The following RNF216 variants were observed in gnomAD, a reference collection of about 807,000 sequenced individuals.
RNF216 encodes ring finger protein 216, also known as E3 ubiquitin-protein ligase RNF216.
RNF216 carries 72 observed loss-of-function variants against 110.8 expected under a neutral mutation model. That is an observed-to-expected ratio of 0.65 (90% CI 0.54 to 0.79). RNF216 has a LOEUF of 0.79. Among genes scored for constraint, RNF216 ranks in the 30% least tolerant of loss-of-function variants. The pLI, the probability that RNF216 is intolerant of heterozygous loss-of-function variation, is 0.00. For synonymous variants in RNF216, 495 were observed against 407.5 expected, an observed-to-expected ratio of 1.21 and a Z score of -2.59; for missense variants, 1,342 against 1,141.2, an observed-to-expected ratio of 1.18 and a Z score of -2.54.
chr7:5,711,657 T>C (rs1327808891), intron 13 of RNF216, 104 bp downstream of exon 13: 3 of 880,568 alleles, frequency 3.4e-6, no homozygotes, highest in Non-Finnish European at 5.4e-6. Context: ...ACTCAAATCC[T>C]TCTTATACAT....
chr7:5,634,998 G>A (rs780697986), intron 15 of RNF216, among the ~76,000 whole-genome samples: 3 of 152,188 alleles, frequency 2.0e-5, no homozygotes, highest in Admixed American at 1.3e-4. Flanking sequence ...TGGGGCTCAG[G>A]GACCCTATGG....
chr7:5,645,180 T>C (rs1309841156), intron 14 of RNF216, among the ~76,000 whole-genome samples: 1 of 152,220 alleles, frequency 6.6e-6, no homozygotes, highest in Non-Finnish European at 1.5e-5. Context: ...TCTTTGGTCT[T>C]GAACAGTTTG....
intron 5 of RNF216, among the ~76,000 whole-genome samples, chr7:5,734,803 G>A (rs202169482): frequency 1.1e-4 from 13 of 123,444 alleles, no homozygotes; most frequent in South Asian, 5.2e-4. Context: ...CAGCTTGGGC[G>A]ACAAGGGCAA....
intron 13 of RNF216, among the ~76,000 whole-genome samples, chr7:5,656,198 G>C (rs1381312063): frequency 6.6e-6 from 1 of 152,182 alleles, no homozygotes; most frequent in Non-Finnish European, 1.5e-5. Flanking sequence ...GAACCCAGGA[G>C]GTGGAGGTTG....
Position 5,621,908 on chromosome 7 carries a change from C to T in RNF216, c.*952G>A, listed in dbSNP as rs1786388826. Reference sequence around the variant, plus strand: ...CATGGGGGATACTGGACAGCACCCTCTACCTGCCTTCAGCAACCACTGAGA... The same window carrying T: ...CATGGGGGATACTGGACAGCACCCTTTACCTGCCTTCAGCAACCACTGAGA... On this transcript the variant is annotated 3_prime_UTR_variant, in exon 17 of 17. Coordinates refer to ENST00000389902, the MANE Select transcript of RNF216 (RefSeq NM_207111.4). 1 of 152,570 alleles carries T rather than the reference C, an allele frequency of 6.6e-6. No homozygotes were observed. Among genetic ancestry groups the T allele is most frequent in the African/African-American group, 2.4e-5 (1 of 41,444 alleles). 9.5% of individuals were successfully genotyped at this position (152,570 alleles called of 1,614,324 possible). A position where few individuals can be genotyped will look rare whatever the true frequency, so the allele number is the denominator to read the frequency against.
At chr7:5,731,961 C>T (rs1794117925) in intron 5 of RNF216, among the ~76,000 whole-genome samples, 2 of 152,202 alleles carry the variant, frequency 1.3e-5, no homozygotes, top group African/African-American at 4.8e-5. Flanking sequence ...AGCCTTCTCC[C>T]TCATCCTGAC....
intron 13 of RNF216, among the ~76,000 whole-genome samples, chr7:5,687,394 C>CAAAAAAAAAAAAAAAAAA (rs372177142): frequency 2.0e-5 from 1 of 49,884 alleles, no homozygotes; most frequent in African/African-American, 6.2e-5. Context: ...AACTCCACCT[C>CAAAAAAAAAAAAAAAAAA]AAAAAAAAAA....
rs189481110 is a variant in RNF216, at chr7:5,730,363, G to C, written c.1224+352C>G. Among the ~76,000 whole-genome samples the C allele has an allele frequency of 9.2e-5, 14 of 152,286 alleles. No individual in the cohort carries two copies. The East Asian group carries it at 2.3e-3, about 25-fold the overall frequency. ...GTAAAATATTTCAATTTTTCTGTAG[G>C]TTTGAAAATTTTCATAATAAAATGT... On this transcript the variant is annotated intron_variant, in intron 6 of 16. Coordinates refer to ENST00000389902, the MANE Select transcript of RNF216 (RefSeq NM_207111.4).
chr7:5,775,643 G>A (rs1467284108), intron 1 of RNF216, among the ~76,000 whole-genome samples: 1 of 151,932 alleles, frequency 6.6e-6, no homozygotes, highest in African/African-American at 2.4e-5. Flanking sequence ...GCCGAGGTGA[G>A]TGGATTATTT....
Position 5,622,892 on chromosome 7 carries a change from G to A in RNF216, c.2740C>T (p.His914Tyr). The change falls in exon 17 of 17, where the codon CAC becomes TAC. Residue 914 changes from histidine to tyrosine, a missense_variant. His to Tyr is a moderately conservative substitution (Grantham distance 83). Coordinates refer to ENST00000389902, the MANE Select transcript of RNF216 (RefSeq NM_207111.4). ...HMPLEHNLPM[H>Y]FGPQPRHRF ...CGATGCCGCGGCTGGGGGCCAAAGTGCATGGGCAGGTTGTGCTCCAGGGGC... is the reference window on the plus strand; with the variant it reads ...CGATGCCGCGGCTGGGGGCCAAAGTACATGGGCAGGTTGTGCTCCAGGGGC... 6.2e-7 allele frequency: 1 copy of A among 1,610,580 alleles called. No homozygotes were observed. The highest frequency in any genetic ancestry group is 8.5e-7 in the Non-Finnish European group (1 of 1,177,732).
chr7:5,723,051 T>A (rs1234281619), intron 8 of RNF216, among the ~76,000 whole-genome samples: 1 of 152,328 alleles, frequency 6.6e-6, no homozygotes, highest in South Asian at 2.1e-4. Context: ...CCAGCTGGGC[T>A]ACTCGCTAGC....
At chr7:5,718,595 G>T (rs1281696528) in intron 9 of RNF216, among the ~76,000 whole-genome samples, 1 of 147,448 alleles carries the variant, frequency 6.8e-6, no homozygotes, top group Non-Finnish European at 1.5e-5. Flanking sequence ...TGCCCAGGCT[G>T]GAGTGCAGTG....
intron 1 of RNF216, among the ~76,000 whole-genome samples, chr7:5,766,200 G>A (rs1327674457): frequency 6.6e-6 from 1 of 152,058 alleles, no homozygotes; most frequent in East Asian, 1.9e-4. Flanking sequence ...TGAAGCAGGA[G>A]GATCTCCTGA....
chr7:5,698,899 C>T (rs991247567), intron 13 of RNF216, among the ~76,000 whole-genome samples: 3 of 152,148 alleles, frequency 2.0e-5, no homozygotes, highest in Non-Finnish European at 4.4e-5. Context: ...TCTTAAAAAA[C>T]TGAACAAGCC....
Position 5,741,087 on chromosome 7 carries a change from C to T in RNF216, c.930G>A (p.Glu310=). 6.2e-6 allele frequency: 10 copies of T among 1,614,134 alleles called. No individual in the cohort carries two copies. Among genetic ancestry groups the T allele is most frequent in the Non-Finnish European group, 8.5e-6 (10 of 1,180,036 alleles). Residue 310 remains glutamate (E), a synonymous_variant, in exon 4 of 17, where the codon GAG becomes GAA. Coordinates refer to ENST00000389902, the MANE Select transcript of RNF216 (RefSeq NM_207111.4). ...EDQQLASDDE[E]PGPAFPMQES... is the part of the protein sequence containing the mutation. ...CTTGCATTGGAAAGGCTGGACCTGG[C>T]TCTTCATCATCACTTGCTAACTGCT...
chr7:5,682,056 G>A (rs1460387046), intron 13 of RNF216, among the ~76,000 whole-genome samples: 1 of 152,212 alleles, frequency 6.6e-6, no homozygotes, highest in African/African-American at 2.4e-5. Flanking sequence ...TTCTCAGGGT[G>A]GGGATGATGG....
intron 13 of RNF216, among the ~76,000 whole-genome samples, chr7:5,708,646 T>G (rs1350552377): frequency 6.6e-6 from 1 of 152,228 alleles, no homozygotes; most frequent in Admixed American, 6.5e-5. Flanking sequence ...GTGCTCAGGC[T>G]TTTGTTTTCC....
intron 13 of RNF216, among the ~76,000 whole-genome samples, chr7:5,688,863 C>G (rs1791149760): frequency 6.6e-6 from 1 of 152,172 alleles, no homozygotes; most frequent in African/African-American, 2.4e-5. Flanking sequence ...ATGATAACAG[C>G]TACTAACATT....
chr7:5,701,098 G>C (rs1197360883), intron 13 of RNF216, among the ~76,000 whole-genome samples: 1 of 152,090 alleles, frequency 6.6e-6, no homozygotes, highest in African/African-American at 2.4e-5. Context: ...CTGAGAGTGG[G>C]AGCACACACA....
Sources: allele counts gnomAD v4.1 joint callset (sites outside exome capture counted in the v4.1 genomes callset), GRCh38; gene constraint gnomAD v4.1.1; transcripts MANE v1.5; gene names NCBI Gene and HGNC (gene_info 2026-07-23, HGNC 2026-07-21).